Variants in EPHB1 observed in about 807,000 individuals in gnomAD.
EPHB1 encodes the protein ephrin type-B receptor 1.
EPHB1 carries 30 observed loss-of-function variants against 94.4 expected under a neutral mutation model. That is an observed-to-expected ratio of 0.32 (90% CI 0.24 to 0.43). The LOEUF is 0.43. Among genes scored for constraint, EPHB1 ranks in the 20% least tolerant of loss-of-function variants. The pLI, the probability that EPHB1 is intolerant of heterozygous loss-of-function variation, is 1.00. For missense variants in EPHB1, 1,055 were observed against 1,308.3 expected (o/e 0.81, Z 2.99); for synonymous variants, 522 against 489.1 (o/e 1.07, Z -0.89).
At chr3:135,167,119 C>A in intron 9 of EPHB1, 113 bp downstream of exon 9, 2 of 1,257,294 alleles carry the variant, frequency 1.6e-6, no homozygotes, top group South Asian at 1.3e-5. Flanking sequence ...GGCAAGTTCT[C>A]TCTCAGCCCC....
chr3:135,133,969 T>A (rs560868945), intron 5 of EPHB1, among the ~76,000 whole-genome samples: 1 of 152,310 alleles, frequency 6.6e-6, no homozygotes. Context: ...GTTCCTCCCA[T>A]GAAACTCATT....
chr3:135,029,547 T>C (rs536173295), intron 3 of EPHB1, among the ~76,000 whole-genome samples: 1 of 149,298 alleles, frequency 6.7e-6, no homozygotes, highest in South Asian at 2.2e-4. Context: ...TGTTGAATAT[T>C]GGCCCCCACT....
chr3:134,870,579 A>T (rs2037479164), intron 1 of EPHB1, among the ~76,000 whole-genome samples: 1 of 152,208 alleles, frequency 6.6e-6, no homozygotes, highest in Admixed American at 6.5e-5. Flanking sequence ...GTGGACACAG[A>T]TCAGCACCAT....
chr3:134,823,510 G>A (rs892574152), intron 1 of EPHB1, among the ~76,000 whole-genome samples: 3 of 152,184 alleles, frequency 2.0e-5, no homozygotes, highest in East Asian at 1.9e-4. Context: ...CTCAGGCTCC[G>A]TAACAGGAAA....
At chr3:134,949,106 G>A (rs1932910498) in intron 2 of EPHB1, among the ~76,000 whole-genome samples, 1 of 152,126 alleles carries the variant, frequency 6.6e-6, no homozygotes. Context: ...TTGAAAGGTG[G>A]AGCGCTGGGT....
chr3:135,069,945 A>G (rs1445856110), intron 3 of EPHB1, among the ~76,000 whole-genome samples: 1 of 152,194 alleles, frequency 6.6e-6, no homozygotes, highest in African/African-American at 2.4e-5. Flanking sequence ...CACTAAATCA[A>G]ATACAAACAG....
intron 7 of EPHB1, among the ~76,000 whole-genome samples, chr3:135,165,339 G>A (rs1264069671): frequency 6.6e-6 from 1 of 152,206 alleles, no homozygotes; most frequent in South Asian, 2.1e-4. Context: ...GGGTTTAGAT[G>A]AGTTCTGTCT....
At chr3:134,923,612 T>C (rs776780532) in intron 1 of EPHB1, among the ~76,000 whole-genome samples, 1 of 152,206 alleles carries the variant, frequency 6.6e-6, no homozygotes, top group Non-Finnish European at 1.5e-5. Flanking sequence ...ATTTCTCTTG[T>C]GGAGTGGGTA....
intron 3 of EPHB1, among the ~76,000 whole-genome samples, chr3:135,104,633 A>G (rs946263634): frequency 1.3e-5 from 2 of 152,234 alleles, no homozygotes; most frequent in Non-Finnish European, 2.9e-5. Context: ...AAAAGTTTTA[A>G]AAGTTCTCAA....
intron 3 of EPHB1, among the ~76,000 whole-genome samples, chr3:135,046,160 C>A (rs1446274435): frequency 6.6e-6 from 1 of 152,108 alleles, no homozygotes; most frequent in African/African-American, 2.4e-5. Flanking sequence ...AAAATATGTT[C>A]TCTGTGTTAA....
intron 1 of EPHB1, among the ~76,000 whole-genome samples, chr3:134,835,855 C>A (rs1436896032): frequency 6.6e-6 from 1 of 152,176 alleles, no homozygotes; most frequent in Admixed American, 6.5e-5. Flanking sequence ...TCACCAGTAC[C>A]CCAGGGCTCC....
chr3:135,108,505 G>A (rs1435371869), intron 4 of EPHB1, among the ~76,000 whole-genome samples: 1 of 152,098 alleles, frequency 6.6e-6, no homozygotes, highest in African/African-American at 2.4e-5. Flanking sequence ...CTCCACCCTT[G>A]ACCTCTGAGA....
chr3:134,802,681 T>G (rs935921799), intron 1 of EPHB1, among the ~76,000 whole-genome samples: 1 of 152,336 alleles, frequency 6.6e-6, no homozygotes, highest in Admixed American at 6.5e-5. Flanking sequence ...TGGTACCATG[T>G]AGCATTATCT....
At chr3:135,143,558 A>C (rs1940902807) in intron 5 of EPHB1, among the ~76,000 whole-genome samples, 1 of 152,106 alleles carries the variant, frequency 6.6e-6, no homozygotes, top group African/African-American at 2.4e-5. Flanking sequence ...CTCCACTGCT[A>C]GTGTTTGGAG....
At chr3:134,974,357 C>A (rs1934100813) in intron 3 of EPHB1, among the ~76,000 whole-genome samples, 1 of 152,182 alleles carries the variant, frequency 6.6e-6, no homozygotes, top group Non-Finnish European at 1.5e-5. Flanking sequence ...AGCTGTATGA[C>A]CTTGGGGTAA....
chr3:134,811,406 T>G (rs138312229), intron 1 of EPHB1, among the ~76,000 whole-genome samples: 252 of 151,992 alleles, frequency 1.7e-3, no homozygotes, highest in African/African-American at 4.2e-3. Context: ...GGCTGGCTAA[T>G]TTTTGTATTT....
At chr3:134,920,691 A>T (rs2038666082) in intron 1 of EPHB1, among the ~76,000 whole-genome samples, 1 of 152,212 alleles carries the variant, frequency 6.6e-6, no homozygotes. Flanking sequence ...ATGGGTGTCT[A>T]ATTTTTCCCA....
At chr3:134,909,428 G>T (rs569321627) in intron 1 of EPHB1, among the ~76,000 whole-genome samples, 1 of 152,350 alleles carries the variant, frequency 6.6e-6, no homozygotes, top group East Asian at 1.9e-4. Context: ...CAAGGCTCAA[G>T]CTTGGGGTGG....
intron 1 of EPHB1, among the ~76,000 whole-genome samples, chr3:134,895,379 G>C (rs2038068610): frequency 6.6e-6 from 1 of 152,182 alleles, no homozygotes; most frequent in South Asian, 2.1e-4. Context: ...GGGTGGTCTT[G>C]GTGTCCTGTG....
Sources: allele counts gnomAD v4.1 joint callset (sites outside exome capture counted in the v4.1 genomes callset), GRCh38; gene constraint gnomAD v4.1.1; transcripts MANE v1.5; gene names NCBI Gene and HGNC (gene_info 2026-07-23, HGNC 2026-07-21).